The following LRP1B variants were observed in gnomAD, a reference collection of about 807,000 sequenced individuals.
LRP1B encodes the protein LDL receptor related protein 1B.
A neutral mutation model predicts 556.6 loss-of-function variants in LRP1B; 217 were observed. The ratio of observed to expected loss-of-function variants is 0.39; its 90% CI spans 0.35 to 0.44. The LOEUF is 0.44. LRP1B is among the 20% of genes least tolerant of loss of function. The pLI, the probability that LRP1B is intolerant of heterozygous loss-of-function variation, is 1.00. For synonymous variants in LRP1B, 2,047 were observed against 1,865.8 expected (o/e 1.10, Z -2.50); for missense variants, 5,053 against 5,620.8 (o/e 0.90, Z 3.23).
chr2:140,662,766 C>T (rs1685141134), intron 41 of LRP1B, among the ~76,000 whole-genome samples: 1 of 152,030 alleles, frequency 6.6e-6, no homozygotes, highest in African/African-American at 2.4e-5. Flanking sequence ...GAAACATTGC[C>T]TTAGGTCTAA....
rs1005087109 is a variant in LRP1B, at chr2:141,359,646, CT to C, written c.344-105006del. Among the ~76,000 whole-genome samples, 237 of 39,724 alleles carry C rather than the reference CT, an allele frequency of 6.0e-3. 1 individual carries two copies. The highest frequency in any genetic ancestry group is 0.014 in the Non-Finnish European group (173 of 12,678). 26.1% of individuals were successfully genotyped at this position (39,724 alleles called of 152,430 possible). A position where few individuals can be genotyped will look rare whatever the true frequency, so the allele number is the denominator to read the frequency against. The stretch of plus-strand genomic sequence containing the variant: ...TGGCAGGCACCTGTAATCCCAGCTA[CT>C]TGGGAGGCTGAGGCAGGAGAATCGC... On this transcript the variant is annotated intron_variant, in intron 3 of 90. Coordinates refer to ENST00000389484, the MANE Select transcript of LRP1B (RefSeq NM_018557.3).
intron 2 of LRP1B, among the ~76,000 whole-genome samples, chr2:141,700,049 T>TTA (rs1247575172): frequency 1.3e-5 from 2 of 151,436 alleles, no homozygotes; most frequent in Non-Finnish European, 2.9e-5. Flanking sequence ...AAAGAGAACT[T>TTA]TAGATATTGC....
At chr2:141,239,875 A>G (rs1683798842) in intron 5 of LRP1B, among the ~76,000 whole-genome samples, 1 of 152,072 alleles carries the variant, frequency 6.6e-6, no homozygotes, top group African/African-American at 2.4e-5. Flanking sequence ...AAGGATTTAA[A>G]TATAAAATTT....
Position 141,188,436 on chromosome 2 carries a change from A to G in LRP1B, c.998T>C (p.Val333Ala), listed in dbSNP as rs752036580. The G allele has an allele frequency of 6.2e-7, 1 of 1,611,948 alleles. No individual in the cohort carries two copies. The highest frequency in any genetic ancestry group is 1.1e-5 in the South Asian group (1 of 90,898). Residue 333 changes from valine (V) to alanine (A), a missense_variant, in exon 7 of 91, where the codon GTA (valine) becomes GCA (alanine). By Grantham distance (64) the Val-to-Ala change is moderately conservative. Transcript: ENST00000389484. The part of the protein sequence containing the change: ...LELHNPKAIA[V>A]DPIAGKLFFT... Reference sequence around the variant, plus strand: ...AATTTCTTACCCTGCTATTGGATCTACTGCTATTGCTTTAGGATTGTGAAG... The same window carrying G: ...AATTTCTTACCCTGCTATTGGATCTGCTGCTATTGCTTTAGGATTGTGAAG...
intron 1 of LRP1B, among the ~76,000 whole-genome samples, chr2:141,893,811 C>G (rs1409712385): frequency 6.6e-6 from 1 of 152,068 alleles, no homozygotes; most frequent in Non-Finnish European, 1.5e-5. Context: ...CAATAAGTAC[C>G]AATGAAAATA....
intron 33 of LRP1B, among the ~76,000 whole-genome samples, chr2:140,774,411 G>A (rs1452130016): frequency 6.6e-6 from 1 of 152,048 alleles, no homozygotes; most frequent in Non-Finnish European, 1.5e-5. Flanking sequence ...GCATCATATA[G>A]TAAATGTTTC....
chr2:142,020,218 G>A (rs1703286886), intron 1 of LRP1B, among the ~76,000 whole-genome samples: 2 of 152,080 alleles, frequency 1.3e-5, no homozygotes, highest in African/African-American at 4.8e-5. Flanking sequence ...GAGTGGTATA[G>A]GAAATGTGTC....
intron 22 of LRP1B, 23 bp from the exon 23 acceptor site, chr2:140,903,188 T>C: frequency 6.2e-7 from 1 of 1,608,164 alleles, no homozygotes; most frequent in African/African-American, 1.3e-5. Context: ...GGGAACAGAT[T>C]ATAGGTCTTA....
At chr2:141,624,507 G>T (rs1486772335) in intron 2 of LRP1B, among the ~76,000 whole-genome samples, 1 of 151,914 alleles carries the variant, frequency 6.6e-6, no homozygotes, top group Non-Finnish European at 1.5e-5. Flanking sequence ...TTATTGCCTT[G>T]GGAAAAAAGA....
At chr2:141,827,858 A>T (rs1479720700) in intron 1 of LRP1B, among the ~76,000 whole-genome samples, 1 of 152,092 alleles carries the variant, frequency 6.6e-6, no homozygotes, top group East Asian at 1.9e-4. Context: ...CTACATATCT[A>T]TATATACACC....
intron 7 of LRP1B, among the ~76,000 whole-genome samples, chr2:141,110,325 G>A (rs539237163): frequency 1.3e-5 from 2 of 151,768 alleles, no homozygotes; most frequent in Non-Finnish European, 2.9e-5. Flanking sequence ...CCAAAAAAAT[G>A]CATAATATAT....
In LRP1B at chr2:141,564,999, A is replaced by G. The variant is rs58313350; in HGVS notation, c.206-84466T>C. 2.5e-4 allele frequency among the ~76,000 whole-genome samples: 38 copies of G among 152,272 alleles called. No homozygotes were observed. The East Asian group carries it at 6.9e-3, about 28-fold the overall frequency. ...TAAATGAAGAATTTATTTATATTCA[A>G]TAATGTTTTGGGCAACCTGAAAAAG... On this transcript the variant is annotated intron_variant, in intron 2 of 90. Transcript: ENST00000389484.
intron 2 of LRP1B, among the ~76,000 whole-genome samples, chr2:141,709,255 A>T (rs1036097493): frequency 6.6e-6 from 1 of 152,080 alleles, no homozygotes; most frequent in South Asian, 2.1e-4. Context: ...AGGCTGAGGC[A>T]GGAGAATTGC....
At chr2:140,848,185 C>G (rs1692334334) in intron 29 of LRP1B, among the ~76,000 whole-genome samples, 2 of 152,124 alleles carry the variant, frequency 1.3e-5, no homozygotes, top group South Asian at 4.1e-4. Context: ...ATGTCCTTTA[C>G]TTGGTCTTTC....
intron 3 of LRP1B, among the ~76,000 whole-genome samples, chr2:141,305,467 T>C (rs971318590): frequency 2.0e-5 from 3 of 152,222 alleles, no homozygotes; most frequent in African/African-American, 7.2e-5. Context: ...TGGATTTGTT[T>C]GTCAGTTATA....
At chr2:141,302,990 T>G (rs1686452998) in intron 3 of LRP1B, among the ~76,000 whole-genome samples, 1 of 152,030 alleles carries the variant, frequency 6.6e-6, no homozygotes, top group African/African-American at 2.4e-5. Flanking sequence ...ACGTGAATGG[T>G]CTTAAGTACC....
chr2:140,868,045 G>A lies in LRP1B; in HGVS notation c.4334+54C>T, dbSNP rs1176842679. 4.0e-6 allele frequency: 6 copies of A among 1,518,168 alleles called. 1 individual carries two copies. The Admixed American group carries it at 6.5e-5, about 16-fold the overall frequency. The allele number at this position is 1,518,168 out of a possible 1,614,324, so 94.0% of individuals were successfully genotyped here. A position where few individuals can be genotyped will look rare whatever the true frequency, so the allele number is the denominator to read the frequency against. ...ACATGTTAGGACACTTTCCAATGTTGTAAATATTATCTAAGTAAAAAAAAA... is the reference window on the plus strand; with the variant it reads ...ACATGTTAGGACACTTTCCAATGTTATAAATATTATCTAAGTAAAAAAAAA... On this transcript the variant is annotated intron_variant, in intron 26 of 90. Coordinates refer to ENST00000389484, the MANE Select transcript of LRP1B (RefSeq NM_018557.3).
At position 140,503,162 on chromosome 2, in the gene LRP1B, A is replaced by G. The variant is rs1027041425; in HGVS notation, c.8522-59T>C. ...CATAACAAATACTAATTGAAACGTC[A>G]TCTCCTCAATGTACACTACACCGGA... On this transcript the variant is annotated intron_variant, in intron 53 of 90. Transcript: ENST00000389484. 8 of 1,467,072 alleles carry G rather than the reference A, an allele frequency of 5.5e-6. No homozygotes were observed. The Admixed American group carries it at 1.4e-4, about 25-fold the overall frequency. 90.9% of individuals were successfully genotyped at this position (1,467,072 alleles called of 1,614,324 possible).
intron 35 of LRP1B, among the ~76,000 whole-genome samples, chr2:140,764,785 C>T (rs1303722701): frequency 3.3e-5 from 5 of 152,098 alleles, no homozygotes; most frequent in Non-Finnish European, 7.4e-5. Flanking sequence ...CCAACACATC[C>T]ATAGTTTATA....
Sources: gnomAD v4.1 joint callset for allele counts (sites outside exome capture counted in the v4.1 genomes callset) on GRCh38, gnomAD v4.1.1 for gene constraint, MANE v1.5 for transcripts, NCBI Gene and HGNC (gene_info 2026-07-23, HGNC 2026-07-21) for gene names.